MTMR10: variants seen among roughly 807,000 people sequenced by gnomAD.
The protein encoded by MTMR10 is myotubularin-related protein 10.
In MTMR10, 56 loss-of-function variants were observed where a neutral mutation model predicts 88.1. The ratio of observed to expected loss-of-function variants is 0.64; its 90% CI spans 0.51 to 0.79. MTMR10 has a LOEUF of 0.79. MTMR10 is among the 30% of genes least tolerant of loss of function. MTMR10 has a pLI of 0.00. For synonymous variants in MTMR10, 380 were observed against 340.9 expected (o/e 1.11, Z -1.26); for missense variants, 883 against 924.7 (o/e 0.95, Z 0.58).
intron 2 of MTMR10, among the ~76,000 whole-genome samples, chr15:30,978,221 A>T (rs2030301740): frequency 2.0e-5 from 3 of 152,212 alleles, no homozygotes; most frequent in Admixed American, 6.5e-5. Flanking sequence ...TCCAGCACTC[A>T]TGATAGCTAC....
chr15:30,990,674 T>C, intron 2 of MTMR10, 103 bp downstream of exon 2: 1 of 964,780 alleles, frequency 1.0e-6, no homozygotes, highest in Non-Finnish European at 1.6e-6. Context: ...TGGAGAAAGT[T>C]TAATGAGAGA....
chr15:30,925,380 T>C, the MTMR10 span: 1 of 1,251,532 alleles, frequency 8.0e-7, no homozygotes, highest in Non-Finnish European at 1.1e-6. Context: ...GTTTTGAGTG[T>C]GTGTTTTCTT....
chr15:30,991,249 G>T, intron 1 of MTMR10, 198 bp downstream of exon 1: 1 of 522,174 alleles, frequency 1.9e-6, no homozygotes, highest in East Asian at 3.5e-5. Context: ...GGCTGCAGAA[G>T]AGTTTTACAA....
intron 5 of MTMR10, among the ~76,000 whole-genome samples, chr15:30,972,434 T>A (rs1464600950): frequency 6.6e-6 from 1 of 152,070 alleles, no homozygotes; most frequent in Non-Finnish European, 1.5e-5. Flanking sequence ...ACTCACATGC[T>A]TTTTATATTT....
At chr15:30,959,776 C>T (rs1186276376) in intron 7 of MTMR10, among the ~76,000 whole-genome samples, 1 of 152,222 alleles carries the variant, frequency 6.6e-6, no homozygotes, top group African/African-American at 2.4e-5. Context: ...GTTCCTGGTA[C>T]TGGATTAACC....
Position 30,951,933 on chromosome 15 carries a change from G to C in MTMR10, c.1207+35C>G, listed in dbSNP as rs766226855. 8.9e-6 allele frequency: 14 copies of C among 1,566,858 alleles called. No individual in the cohort carries two copies. The Admixed American group carries it at 1.5e-4, about 17-fold the overall frequency. On this transcript the variant is annotated intron_variant, in intron 12 of 15. Transcript: ENST00000435680. ...CAGTAAACCAAGGCTGGCTGGTATG[G>C]TGGTCATGGTGCTTTCAGGAGTTAC...
intron 2 of MTMR10, among the ~76,000 whole-genome samples, chr15:30,988,065 A>G (rs2031066756): frequency 6.6e-6 from 1 of 152,206 alleles, no homozygotes; most frequent in African/African-American, 2.4e-5. Context: ...CTAGGTCTTT[A>G]GATCACCAAT....
chr15:30,955,527 C>T (rs2063313848), intron 9 of MTMR10, among the ~76,000 whole-genome samples: 1 of 152,000 alleles, frequency 6.6e-6, no homozygotes, highest in Admixed American at 6.5e-5. Flanking sequence ...CCCTTGGCCT[C>T]CCAAAGTGCT....
intron 9 of MTMR10, among the ~76,000 whole-genome samples, chr15:30,955,492 A>C (rs186717369): frequency 2.0e-5 from 3 of 152,090 alleles, no homozygotes; most frequent in Non-Finnish European, 4.4e-5. Flanking sequence ...GGCTGGTCTC[A>C]AACTCCTGAC....
intron 12 of MTMR10, 32 bp downstream of exon 12, chr15:30,951,936 G>C: frequency 1.3e-6 from 2 of 1,578,350 alleles, no homozygotes; most frequent in Non-Finnish European, 1.7e-6. Flanking sequence ...TGGTATGGTG[G>C]TCATGGTGCT....
At chr15:30,986,978 T>C (rs1029223338) in intron 2 of MTMR10, among the ~76,000 whole-genome samples, 7 of 152,142 alleles carry the variant, frequency 4.6e-5, no homozygotes, top group African/African-American at 9.7e-5. Context: ...CAAACATATA[T>C]ACACACACAC....
At position 30,941,724 on chromosome 15, in the gene MTMR10, TG is replaced by T. The variant is rs1440908427; in HGVS notation, c.2079del (p.Ser693ArgfsTer52). On this transcript the variant is annotated frameshift_variant, in exon 16 of 16. Coordinates refer to ENST00000435680, the MANE Select transcript of MTMR10 (RefSeq NM_017762.3). LOFTEE classifies it high-confidence loss of function. ...CCACTGCGCTGTTGCCGCAGCATCC[TG>T]CTCAGTACGTCGACTTCATCAGCCA... ...SLLADEVDVL[S>X]RMLRQQRSGP... 6.2e-7 allele frequency: 1 copy of T among 1,613,862 alleles called. No individual in the cohort carries two copies. Among genetic ancestry groups the T allele is most frequent in the African/African-American group, 1.3e-5 (1 of 74,936 alleles).
rs1566942799 is a variant in MTMR10 at position 30,941,758 on chromosome 15, G to A, written c.2046C>T (p.Leu682=). The change falls in exon 16 of 16, where the codon CTC becomes CTT. Residue 682 remains leucine (L), a synonymous_variant. Transcript: ENST00000435680. ...CGTCGACTTCATCAGCCAGGAGGGA[G>A]AGCTTGTGAAAGGCTGTGATGGAGC... is the stretch of plus-strand genomic sequence containing the variant. ...LGGSITAFHK[L]SLLADEVDVL... is the part of the protein sequence containing the mutation. 3 of 1,613,884 alleles carry A rather than the reference G, an allele frequency of 1.9e-6. No individual in the cohort carries two copies. Among genetic ancestry groups the A allele is most frequent in the Admixed American group, 3.3e-5 (2 of 60,006 alleles).
At chr15:30,956,331 T>C (rs969731004) in intron 9 of MTMR10, 3 of 152,258 alleles carry the variant, frequency 2.0e-5, no homozygotes, top group African/African-American at 7.2e-5. Context: ...CCAATTTTAC[T>C]ACTGGTGTTG....
chr15:30,956,007 T>C (rs1174206049), intron 9 of MTMR10, among the ~76,000 whole-genome samples: 3 of 150,860 alleles, frequency 2.0e-5, no homozygotes, highest in African/African-American at 4.9e-5. Context: ...TGTTGTTTTT[T>C]TTTTTCCTGA....
chr15:30,970,686 T>C (rs897927003), intron 5 of MTMR10, among the ~76,000 whole-genome samples: 2 of 152,206 alleles, frequency 1.3e-5, no homozygotes, highest in East Asian at 1.9e-4. Context: ...TCATTGATCA[T>C]GGACATCCTT....
At chr15:30,934,764 A>T (rs188405553), downstream of MTMR10, among the ~76,000 whole-genome samples, 362 of 152,306 alleles carry the variant, frequency 2.4e-3, no homozygotes, top group African/African-American at 8.4e-3. Context: ...TTGCGTTAGT[A>T]TATTATATAT....
intron 6 of MTMR10, among the ~76,000 whole-genome samples, chr15:30,966,749 AAAATT>A (rs1302913686): frequency 6.6e-6 from 1 of 152,150 alleles, no homozygotes; most frequent in African/African-American, 2.4e-5. Context: ...ATCGATAAGA[AAAATT>A]AAGTTACAAA....
At chr15:30,933,296 T>C in the MTMR10 span, among the ~76,000 whole-genome samples, 1 of 152,232 alleles carries the variant, frequency 6.6e-6, no homozygotes, top group Non-Finnish European at 1.5e-5. Context: ...CTGCTTTATC[T>C]GAACCTCACA....
Sources: allele counts gnomAD v4.1 joint callset (sites outside exome capture counted in the v4.1 genomes callset), GRCh38; gene constraint gnomAD v4.1.1; transcripts MANE v1.5; gene names NCBI Gene and HGNC (gene_info 2026-07-23, HGNC 2026-07-21).